WWP2: variants seen among roughly 807,000 people sequenced by gnomAD.
WWP2 encodes WW domain containing E3 ubiquitin protein ligase 2.
Under a neutral mutation model 121.0 loss-of-function variants are expected in WWP2, and 57 were observed. That is an observed-to-expected ratio of 0.47 (90% CI 0.38 to 0.59). The LOEUF (loss-of-function observed/expected upper bound fraction) is 0.59, where lower values mean the gene tolerates loss of function less well. WWP2 is among the 20% of genes least tolerant of loss of function. WWP2 has a pLI of 0.00. For missense variants in WWP2, 962 were observed against 1,158.9 expected (o/e 0.83, Z 2.47); for synonymous variants, 449 against 441.3 (o/e 1.02, Z -0.22).
intron 13 of WWP2, 32 bp from the exon 14 acceptor site, chr16:69,931,120 C>T: frequency 6.2e-7 from 1 of 1,607,062 alleles, no homozygotes; most frequent in Non-Finnish European, 8.5e-7. Context: ...TGAGAAATCG[C>T]ATGAACCCCT....
intron 1 of WWP2, among the ~76,000 whole-genome samples, chr16:69,778,186 A>ATT (rs1372388909): frequency 2.2e-4 from 20 of 90,264 alleles, no homozygotes; most frequent in Admixed American, 8.3e-4. Flanking sequence ...ATATATATAT[A>ATT]TATATATTTT....
At chr16:69,782,248 A>T (rs1333807099) in intron 1 of WWP2, among the ~76,000 whole-genome samples, 1 of 152,134 alleles carries the variant, frequency 6.6e-6, no homozygotes, top group Non-Finnish European at 1.5e-5. Context: ...GCGCCACTGC[A>T]CTCCAGCCCG....
At chr16:69,870,645 A>G (rs1234309140) in intron 6 of WWP2, among the ~76,000 whole-genome samples, 1 of 152,164 alleles carries the variant, frequency 6.6e-6, no homozygotes. Flanking sequence ...GTTGCATGGT[A>G]CAAATTGTCT....
intron 2 of WWP2, among the ~76,000 whole-genome samples, chr16:69,796,943 T>C (rs2151810256): frequency 6.6e-6 from 1 of 152,376 alleles, no homozygotes. Context: ...ATTGTAGGAC[T>C]GTCACCTTTC....
At chr16:69,877,131 C>G (rs2057748003) in intron 7 of WWP2, among the ~76,000 whole-genome samples, 2 of 152,194 alleles carry the variant, frequency 1.3e-5, no homozygotes, top group Non-Finnish European at 2.9e-5. Context: ...ATAGCATCTT[C>G]TTGCAATAGA....
intron 10 of WWP2, among the ~76,000 whole-genome samples, chr16:69,922,797 A>G (rs1008027923): frequency 1.3e-5 from 2 of 152,216 alleles, no homozygotes; most frequent in South Asian, 2.1e-4. Flanking sequence ...AAGTGCTTCT[A>G]TTTAACAATG....
intron 5 of WWP2, 39 bp from the exon 6 acceptor site, chr16:69,841,985 C>G: frequency 6.3e-7 from 1 of 1,587,826 alleles, no homozygotes; most frequent in Non-Finnish European, 8.6e-7. Context: ...TTGAGCTCCT[C>G]AATGCTTCTG....
intron 6 of WWP2, 150 bp downstream of exon 6, chr16:69,842,270 A>G: frequency 1.5e-6 from 1 of 675,384 alleles, no homozygotes; most frequent in Non-Finnish European, 2.5e-6. Flanking sequence ...GAAAGCTAAT[A>G]GAGGAGTCCA....
At chr16:69,782,011 G>A (rs2055674121) in intron 1 of WWP2, among the ~76,000 whole-genome samples, 1 of 152,138 alleles carries the variant, frequency 6.6e-6, no homozygotes, top group South Asian at 2.1e-4. Flanking sequence ...AGCCGGGCGA[G>A]GTGGCTCATG....
At chr16:69,840,654 G>A (rs577241872) in intron 5 of WWP2, among the ~76,000 whole-genome samples, 14 of 152,320 alleles carry the variant, frequency 9.2e-5, no homozygotes, top group Admixed American at 7.2e-4. Context: ...AGGGTACGCT[G>A]TGTTCTTCTA....
Position 69,940,088 on chromosome 16 carries a change from G to T in WWP2, c.*148G>T. 1.5e-6 allele frequency: 1 copy of T among 665,066 alleles called. No homozygotes were observed. The highest frequency in any genetic ancestry group is 2.8e-5 in the East Asian group (1 of 35,704). The allele number at this position is 665,066 out of a possible 1,614,324, so 41.2% of individuals were successfully genotyped here. A position where few individuals can be genotyped will look rare whatever the true frequency, so the allele number is the denominator to read the frequency against. On this transcript the variant is annotated 3_prime_UTR_variant, in exon 24 of 24. Coordinates refer to ENST00000359154, the MANE Select transcript of WWP2 (RefSeq NM_001270454.2). ...CTGTCATCTCGCTGCTGGCAGAAAA[G>T]CCTGATCCCAGGAGGCCCTGCAGTT...
chr16:69,834,531 GT>G (rs1022932465), intron 4 of WWP2, among the ~76,000 whole-genome samples: 38 of 137,940 alleles, frequency 2.8e-4, no homozygotes, highest in African/African-American at 4.0e-4. Flanking sequence ...TTTTTTTTTA[GT>G]TTTTTTTTTT....
At chr16:69,802,444 G>A (rs919895370) in intron 4 of WWP2, among the ~76,000 whole-genome samples, 1 of 151,942 alleles carries the variant, frequency 6.6e-6, no homozygotes, top group Non-Finnish European at 1.5e-5. Context: ...GGCAGCTACC[G>A]CTCTACTTTC....
chr16:69,839,048 G>A (rs969594862), intron 4 of WWP2, among the ~76,000 whole-genome samples: 1 of 151,784 alleles, frequency 6.6e-6, no homozygotes, highest in Admixed American at 6.6e-5. Context: ...ATTTACCTTA[G>A]TGTGCTTATG....
At chr16:69,825,950 T>C (rs1394798583) in intron 4 of WWP2, among the ~76,000 whole-genome samples, 1 of 152,092 alleles carries the variant, frequency 6.6e-6, no homozygotes, top group Non-Finnish European at 1.5e-5. Context: ...AACTTTTTAC[T>C]ATGGAAAATT....
At chr16:69,803,155 T>C (rs1054960192) in intron 4 of WWP2, among the ~76,000 whole-genome samples, 1 of 152,046 alleles carries the variant, frequency 6.6e-6, no homozygotes, top group Non-Finnish European at 1.5e-5. Flanking sequence ...GCTTTTCCTG[T>C]TTCTTTTTGG....
At chr16:69,921,040 A>C (rs2058555138) in intron 10 of WWP2, among the ~76,000 whole-genome samples, 1 of 152,148 alleles carries the variant, frequency 6.6e-6, no homozygotes, top group Non-Finnish European at 1.5e-5. Flanking sequence ...ACACTAAAAA[A>C]TTCTTCTTTC....
At chr16:69,813,980 G>C (rs1249764980) in intron 4 of WWP2, among the ~76,000 whole-genome samples, 1 of 152,154 alleles carries the variant, frequency 6.6e-6, no homozygotes, top group East Asian at 1.9e-4. Context: ...CTAACCCAGT[G>C]GTTTTTGAAG....
chr16:69,861,242 C>T (rs542526617), intron 6 of WWP2, among the ~76,000 whole-genome samples: 2 of 152,350 alleles, frequency 1.3e-5, no homozygotes, highest in Admixed American at 1.3e-4. Flanking sequence ...AACACTTCCC[C>T]TCTGAACTCT....
Sources: gnomAD v4.1 joint callset for allele counts (sites outside exome capture counted in the v4.1 genomes callset) on GRCh38, gnomAD v4.1.1 for gene constraint, MANE v1.5 for transcripts, NCBI Gene and HGNC (gene_info 2026-07-23, HGNC 2026-07-21) for gene names.